ACTA2: variants seen among roughly 807,000 people sequenced by gnomAD.
ACTA2 encodes the protein actin, aortic smooth muscle.
Under a neutral mutation model 39.5 loss-of-function variants are expected in ACTA2, and 12 were observed. The ratio of observed to expected loss-of-function variants is 0.30; its 90% CI spans 0.19 to 0.49. The LOEUF (loss-of-function observed/expected upper bound fraction) is 0.49, where lower values mean the gene tolerates loss of function less well. ACTA2 is among the 20% of genes least tolerant of loss of function. The pLI, the probability that ACTA2 is intolerant of heterozygous loss-of-function variation, is 0.99. For missense variants in ACTA2, 236 were observed against 498.8 expected, an observed-to-expected ratio of 0.47 and a Z score of 5.02; for synonymous variants, 158 against 180.6, an observed-to-expected ratio of 0.88 and a Z score of 1.00.
chr10:88,980,598 T>C (rs766742606), intron 1 of ACTA2, among the ~76,000 whole-genome samples: 3 of 152,214 alleles, frequency 2.0e-5, no homozygotes, highest in Non-Finnish European at 2.9e-5. Flanking sequence ...ACACAGTCCA[T>C]GGTACAAAGT....
chr10:88,942,268 C>T (rs938731298), intron 4 of ACTA2, among the ~76,000 whole-genome samples: 2 of 152,120 alleles, frequency 1.3e-5, no homozygotes, highest in Non-Finnish European at 2.9e-5. Flanking sequence ...CCAGTGCAGA[C>T]ATCCTAGGGC....
intron 1 of ACTA2, among the ~76,000 whole-genome samples, chr10:88,978,677 C>T (rs1846634048): frequency 6.6e-6 from 1 of 152,146 alleles, no homozygotes; most frequent in African/African-American, 2.4e-5. Context: ...TGCACCACGG[C>T]TCCAGCTCAC....
chr10:88,978,468 G>A (rs1483309593), intron 1 of ACTA2, among the ~76,000 whole-genome samples: 1 of 152,196 alleles, frequency 6.6e-6, no homozygotes, highest in Non-Finnish European at 1.5e-5. Flanking sequence ...ATAAGTGGGT[G>A]AAGTTGAGAA....
chr10:88,963,639 C>T (rs966797532), intron 1 of ACTA2, among the ~76,000 whole-genome samples: 6 of 152,150 alleles, frequency 3.9e-5, no homozygotes, highest in Non-Finnish European at 5.9e-5. Flanking sequence ...GTTGGCACGT[C>T]TCTGTCCCTG....
intron 5 of ACTA2, 112 bp downstream of exon 5, chr10:88,941,673 C>T: frequency 9.9e-7 from 1 of 1,009,606 alleles, no homozygotes; most frequent in South Asian, 1.4e-5. Flanking sequence ...CTGGGTTCAG[C>T]CGTGTCCATT....
At chr10:88,978,892 TTATTATTATTA>T (rs1345449173) in intron 1 of ACTA2, among the ~76,000 whole-genome samples, 1 of 151,324 alleles carries the variant, frequency 6.6e-6, no homozygotes, top group Non-Finnish European at 1.5e-5. Flanking sequence ...CTCTTCTCTA[TTATTATTATTA>T]TATTATTATT....
At chr10:88,974,006 T>C (rs1228518925) in intron 1 of ACTA2, 3 of 152,272 alleles carry the variant, frequency 2.0e-5, no homozygotes, top group Admixed American at 6.5e-5. Context: ...TTTACCCTGT[T>C]GGCCAGGGTG....
At chr10:88,974,965 AAAGGCATATTT>A (rs1330797846) in intron 1 of ACTA2, 34 of 152,304 alleles carry the variant, frequency 2.2e-4, no homozygotes, top group African/African-American at 8.2e-4. Context: ...TCACCTCTCA[AAAGGCATATTT>A]AAAGTGAGGA....
At chr10:88,955,316 G>C (rs145983372), upstream of ACTA2, among the ~76,000 whole-genome samples, 569 of 152,318 alleles carry the variant, frequency 3.7e-3, 5 homozygotes, top group African/African-American at 0.013. Context: ...TTTTCTGCTG[G>C]TGCCGAAAAA....
chr10:88,966,375 GC>G (rs1308452023), intron 1 of ACTA2, among the ~76,000 whole-genome samples: 1 of 152,174 alleles, frequency 6.6e-6, no homozygotes, highest in Non-Finnish European at 1.5e-5. Flanking sequence ...TTTAGGCCCT[GC>G]CTCTGATTGT....
chr10:88,941,041 A>C (rs1480590850), intron 6 of ACTA2, 188 bp downstream of exon 6: 1 of 695,112 alleles, frequency 1.4e-6, no homozygotes, highest in East Asian at 2.9e-5. Flanking sequence ...TGTTCTCCTC[A>C]AGGAAATAGT....
intron 1 of ACTA2, among the ~76,000 whole-genome samples, chr10:88,978,635 T>G (rs1484650493): frequency 6.6e-6 from 1 of 152,114 alleles, no homozygotes; most frequent in Non-Finnish European, 1.5e-5. Flanking sequence ...TGCTGAGAGA[T>G]GGGTCTAGTC....
chr10:88,972,939 G>T (rs1220429375), intron 1 of ACTA2, among the ~76,000 whole-genome samples: 1 of 152,126 alleles, frequency 6.6e-6, no homozygotes, highest in Non-Finnish European at 1.5e-5. Context: ...TAAAGATTGT[G>T]TTTGTGTATG....
rs183720382 is a variant in ACTA2 at position 88,959,870 on chromosome 10, T to C, written c.-23-10917A>G. Among the ~76,000 whole-genome samples the C allele has an allele frequency of 5.3e-5, 8 of 152,236 alleles. 1 individual carries two copies. The highest frequency in any genetic ancestry group is 4.6e-4 in the Admixed American group (7 of 15,300). ...TTTGAGGAGTATTGATCAGATGTTTTGTAAACTGTCTCTCAGTTTGGATTT... is the reference window on the plus strand; with the variant it reads ...TTTGAGGAGTATTGATCAGATGTTTCGTAAACTGTCTCTCAGTTTGGATTT... On this transcript the variant is annotated intron_variant, in intron 1 of 4. Transcript: ENST00000415557.
chr10:88,941,813 C>T lies in ACTA2; in HGVS notation c.426G>A (p.Leu142=). ...TTGTGCGTCCAGAGGCATAGAGAGACAGCACCGCCTGGATAGCCACATACA... is the reference window on the plus strand; with the variant it reads ...TTGTGCGTCCAGAGGCATAGAGAGATAGCACCGCCTGGATAGCCACATACA... ...PAMYVAIQAV[L]SLYASGRTTG... The change falls in exon 5 of 9, where the codon CTG becomes CTA. Residue 142 remains leucine (L), a synonymous_variant. Transcript: ENST00000224784. The T allele has an allele frequency of 6.2e-7, 1 of 1,613,052 alleles. No homozygotes were observed. The highest frequency in any genetic ancestry group is 8.5e-7 in the Non-Finnish European group (1 of 1,179,620).
At chr10:88,988,017 A>T (rs1846956345) in intron 1 of ACTA2, among the ~76,000 whole-genome samples, 1 of 152,184 alleles carries the variant, frequency 6.6e-6, no homozygotes, top group African/African-American at 2.4e-5. Context: ...TTGGACTTGA[A>T]CTATAACTTT....
At chr10:88,960,846 A>G (rs1846215958) in intron 1 of ACTA2, among the ~76,000 whole-genome samples, 1 of 152,162 alleles carries the variant, frequency 6.6e-6, no homozygotes, top group Non-Finnish European at 1.5e-5. Context: ...ACCAAGGGGA[A>G]ATTGTTTTAC....
Position 88,970,013 on chromosome 10 carries a change from C to T in ACTA2, c.-24+20926G>A, listed in dbSNP as rs544418594. 1.3e-3 allele frequency among the ~76,000 whole-genome samples: 198 copies of T among 152,240 alleles called. 1 individual carries two copies. The highest frequency in any genetic ancestry group is 4.6e-3 in the African/African-American group (189 of 41,536). Reference sequence around the variant, plus strand: ...TTTGGAAAAAATTGCTCATGGCAGACGTCAGATGTAACCACACTGATAACT... The same window carrying T: ...TTTGGAAAAAATTGCTCATGGCAGATGTCAGATGTAACCACACTGATAACT... On this transcript the variant is annotated intron_variant, in intron 1 of 4. Coordinates refer to the ACTA2 transcript ENST00000415557.
chr10:88,952,711 C>A lies in ACTA2; in HGVS notation c.-24+20G>T, dbSNP rs1025137633. 6.6e-6 allele frequency: 1 copy of A among 152,308 alleles called. No individual in the cohort carries two copies. Among genetic ancestry groups the A allele is most frequent in the African/African-American group, 2.4e-5 (1 of 41,472 alleles). 9.4% of individuals were successfully genotyped at this position (152,308 alleles called of 1,614,324 possible). Reference sequence around the variant, plus strand: ...GCCACTGGAATCTATAAGTCACATCCTTGGCCTGGCGCCACTTACCCTGAC... The same window carrying A: ...GCCACTGGAATCTATAAGTCACATCATTGGCCTGGCGCCACTTACCCTGAC... On this transcript the variant is annotated intron_variant, in intron 1 of 8. Coordinates refer to ENST00000224784, the MANE Select transcript of ACTA2 (RefSeq NM_001613.4).
Sources: gnomAD v4.1 joint callset for allele counts (sites outside exome capture counted in the v4.1 genomes callset) on GRCh38, gnomAD v4.1.1 for gene constraint, MANE v1.5 for transcripts, NCBI Gene and HGNC (gene_info 2026-07-23, HGNC 2026-07-21) for gene names.